FAAH2: variants seen among roughly 807,000 people sequenced by gnomAD.
The protein encoded by FAAH2 is fatty-acid amide hydrolase 2.
In FAAH2, 60 loss-of-function variants were observed where a neutral mutation model predicts 36.9. That is an observed-to-expected ratio of 1.63 (90% CI 1.32 to 2.02). The LOEUF (loss-of-function observed/expected upper bound fraction) is 2.02. Among genes scored for constraint, FAAH2 ranks in the 30% most tolerant of loss-of-function variants. The pLI, the probability that FAAH2 is intolerant of heterozygous loss-of-function variation, is 0.00. For synonymous variants in FAAH2, 214 were observed against 143.8 expected (o/e 1.49, Z -3.49); for missense variants, 689 against 397.5 (o/e 1.73, Z -6.23).
intron 2 of FAAH2, among the ~76,000 whole-genome samples, chrX:57,295,744 G>A (rs1451940075): frequency 8.9e-6 from 1 of 111,740 alleles, no homozygotes; most frequent in Non-Finnish European, 1.9e-5. Context: ...TGGAAAATCG[G>A]GTCACTCCCA....
At chrX:57,255,218 T>C in the FAAH2 span, among the ~76,000 whole-genome samples, 51 of 111,652 alleles carry the variant, frequency 4.6e-4, 1 homozygote, top group East Asian at 0.014. Context: ...CTCCCAAGAC[T>C]AAACCAGGAA....
chrX:57,200,491 G>T, the FAAH2 span, among the ~76,000 whole-genome samples: 1 of 107,734 alleles, frequency 9.3e-6, no homozygotes, highest in Non-Finnish European at 1.9e-5. Context: ...TGATTCCCCT[G>T]CCTCAGCCTC....
the FAAH2 span, among the ~76,000 whole-genome samples, chrX:57,195,085 G>A: frequency 9.0e-6 from 1 of 111,148 alleles, no homozygotes; most frequent in Non-Finnish European, 1.9e-5. Flanking sequence ...GCATGTGCAA[G>A]TCTTTTTCAC....
At chrX:57,473,428 C>A (rs1477022113) in intron 10 of FAAH2, among the ~76,000 whole-genome samples, 2 of 111,555 alleles carry the variant, frequency 1.8e-5, no homozygotes, top group Non-Finnish European at 3.8e-5. Context: ...TGCGTTGAGA[C>A]TTGCTTTCTG....
the FAAH2 span, among the ~76,000 whole-genome samples, chrX:57,267,804 T>C: frequency 1.8e-5 from 2 of 111,651 alleles, no homozygotes; most frequent in Admixed American, 9.5e-5. Context: ...TATATCACAA[T>C]CAAACACTCA....
At chrX:57,442,417 G>A (rs1024651380) in intron 8 of FAAH2, among the ~76,000 whole-genome samples, 1 of 111,211 alleles carries the variant, frequency 9.0e-6, no homozygotes, top group African/African-American at 3.3e-5. Flanking sequence ...TTTTATCAGA[G>A]ACTAGGATTG....
At chrX:57,316,119 T>C (rs1015450312) in intron 3 of FAAH2, among the ~76,000 whole-genome samples, 12 of 110,889 alleles carry the variant, frequency 1.1e-4, no homozygotes, top group African/African-American at 3.9e-4. Flanking sequence ...ATTCACACAA[T>C]CCCATTTACA....
intron 7 of FAAH2, among the ~76,000 whole-genome samples, chrX:57,385,540 C>T (rs2054996961): frequency 9.0e-6 from 1 of 111,579 alleles, no homozygotes; most frequent in Non-Finnish European, 1.9e-5. Flanking sequence ...GAAGAGACAG[C>T]TGCTAAGGCT....
chrX:57,378,540 G>A, intron 5 of FAAH2, 111 bp from the exon 6 acceptor site: 1 of 1,011,011 alleles, frequency 9.9e-7, no homozygotes, highest in Non-Finnish European at 1.3e-6. Flanking sequence ...GACCTGAAAA[G>A]TTTTAACCAG....
At chrX:57,202,153 T>G in the FAAH2 span, among the ~76,000 whole-genome samples, 1 of 112,034 alleles carries the variant, frequency 8.9e-6, no homozygotes, top group East Asian at 2.8e-4. Flanking sequence ...CTTATTTAGT[T>G]TATGTGGTGA....
chrX:57,327,422 T>C (rs1005706136), intron 3 of FAAH2, among the ~76,000 whole-genome samples: 3 of 110,052 alleles, frequency 2.7e-5, no homozygotes, highest in African/African-American at 9.9e-5. Flanking sequence ...CTAAATAATA[T>C]CCTGCAGAGT....
chrX:57,191,243 T>C, the FAAH2 span, among the ~76,000 whole-genome samples: 1 of 112,281 alleles, frequency 8.9e-6, no homozygotes, highest in East Asian at 2.8e-4. Flanking sequence ...AGATTAATGA[T>C]GCTTGACATC....
rs755010820 is a variant in FAAH2, at chrX:57,390,354, G to C, written c.996+9325G>C. 3.6e-5 allele frequency among the ~76,000 whole-genome samples: 4 copies of C among 111,193 alleles called. No homozygotes were observed. The South Asian group carries it at 1.5e-3, about 41-fold the overall frequency. On this transcript the variant is annotated intron_variant, in intron 7 of 10. Transcript: ENST00000374900. The stretch of plus-strand genomic sequence containing the variant: ...TTGTACTTTATTTTTTATTATTTTA[G>C]ATTGAAAGGGTACTTGTGCATGTTG...
At chrX:57,252,057 T>A in the FAAH2 span, among the ~76,000 whole-genome samples, 2 of 112,808 alleles carry the variant, frequency 1.8e-5, no homozygotes, top group Non-Finnish European at 3.8e-5. Flanking sequence ...CCTGGAGACC[T>A]GCAGACCAGG....
At chrX:57,434,095 T>G (rs1383575398) in intron 8 of FAAH2, among the ~76,000 whole-genome samples, 1 of 107,624 alleles carries the variant, frequency 9.3e-6, no homozygotes, top group Admixed American at 9.9e-5. Context: ...TTTTTTTTTT[T>G]TTTTTTTGAG....
intron 3 of FAAH2, among the ~76,000 whole-genome samples, chrX:57,315,520 A>G (rs1303757406): frequency 1.8e-5 from 2 of 111,463 alleles, no homozygotes; most frequent in African/African-American, 6.5e-5. Flanking sequence ...ATAAAATTCT[A>G]GCAAACCAAA....
intron 3 of FAAH2, among the ~76,000 whole-genome samples, chrX:57,328,287 G>A (rs189979328): frequency 9.0e-6 from 1 of 110,787 alleles, no homozygotes; most frequent in African/African-American, 3.4e-5. Context: ...TCGGGGGTCA[G>A]GACCCACTTG....
At chrX:57,388,675 T>A (rs987315138) in intron 7 of FAAH2, among the ~76,000 whole-genome samples, 1 of 111,190 alleles carries the variant, frequency 9.0e-6, no homozygotes, top group East Asian at 2.8e-4. Context: ...ATTTGACAAA[T>A]GCATAATGCC....
At chrX:57,334,494 C>CA (rs2147020331) in intron 4 of FAAH2, among the ~76,000 whole-genome samples, 1 of 108,204 alleles carries the variant, frequency 9.2e-6, no homozygotes, top group South Asian at 4.1e-4. Flanking sequence ...AGAATACAAA[C>CA]CAAAAACCTG....
Sources: allele counts gnomAD v4.1 joint callset (sites outside exome capture counted in the v4.1 genomes callset), GRCh38; gene constraint gnomAD v4.1.1; transcripts MANE v1.5; gene names NCBI Gene and HGNC (gene_info 2026-07-23, HGNC 2026-07-21).